The following KCNAB2 variants were observed in gnomAD, a reference collection of about 807,000 sequenced individuals.
The protein encoded by KCNAB2 is voltage-gated potassium channel subunit beta-2.
In KCNAB2, 29 loss-of-function variants were observed where a neutral mutation model predicts 63.6. The ratio of observed to expected loss-of-function variants is 0.46; its 90% CI spans 0.34 to 0.62. The LOEUF (loss-of-function observed/expected upper bound fraction) is 0.62. Ranked by LOEUF, KCNAB2 falls within the 20% of genes least tolerant of loss-of-function variation. KCNAB2 has a pLI of 0.01. For synonymous variants in KCNAB2, 222 were observed against 224.2 expected (o/e 0.99, Z 0.09); for missense variants, 359 against 563.9 (o/e 0.64, Z 3.68).
upstream of KCNAB2, among the ~76,000 whole-genome samples, chr1:6,031,653 G>A (rs1369455319): frequency 4.6e-5 from 7 of 151,980 alleles, no homozygotes; most frequent in African/African-American, 1.7e-4. This position sits in a 1 kb window ranked among gnomAD's most constrained non-coding sequence, Gnocchi z 4.1. Context: ...TTGGGAGACT[G>A]AGGCAGGAGG....
intron 5 of KCNAB2, 144 bp downstream of exon 5, chr1:6,082,418 T>A (rs1664287037): frequency 1.6e-6 from 1 of 640,650 alleles, no homozygotes; most frequent in Non-Finnish European, 2.8e-6. Context: ...TGAATGGCTT[T>A]AGGAGGTGCT....
At chr1:6,031,405 C>T (rs2100393399), upstream of KCNAB2, among the ~76,000 whole-genome samples, 1 of 152,346 alleles carries the variant, frequency 6.6e-6, no homozygotes, top group East Asian at 1.9e-4. This position sits in a 1 kb window ranked among gnomAD's most constrained non-coding sequence, Gnocchi z 4.1. Flanking sequence ...TTACCATTAA[C>T]TCCAACAGAG....
chr1:6,049,176 G>A (rs1322181248), intron 1 of KCNAB2, among the ~76,000 whole-genome samples: 1 of 152,246 alleles, frequency 6.6e-6, no homozygotes, highest in African/African-American at 2.4e-5. Flanking sequence ...ACAGCTGCCT[G>A]GCACTGCCAG....
At chr1:6,093,522 T>TC (rs1383638560) in intron 10 of KCNAB2, among the ~76,000 whole-genome samples, 1 of 152,250 alleles carries the variant, frequency 6.6e-6, no homozygotes, top group African/African-American at 2.4e-5. Context: ...GTCCCTCCTC[T>TC]CTTCTTTAAA....
At chr1:6,046,439 C>T (rs934463406) in intron 1 of KCNAB2, among the ~76,000 whole-genome samples, 6 of 152,256 alleles carry the variant, frequency 3.9e-5, no homozygotes, top group Non-Finnish European at 7.3e-5. Flanking sequence ...AGTCTGCTCA[C>T]AGCCCAGACC....
Position 6,074,368 on chromosome 1 carries a change from G to A in KCNAB2, c.300+598G>A, listed in dbSNP as rs1001862480. ...AAAAGCCAGCTTGTATGCCGCCAGC[G>A]CCTCTGGGTCTCTCGGAAGGACAGG... On this transcript the variant is annotated intron_variant, in intron 4 of 15. Coordinates refer to ENST00000378083, the MANE Select transcript of KCNAB2 (RefSeq NM_001199862.2). The surrounding 1 kb of genome is among the most constrained non-coding windows in gnomAD (Gnocchi z 4.9). 4.6e-5 allele frequency among the ~76,000 whole-genome samples: 7 copies of A among 152,216 alleles called. No homozygotes were observed. Among genetic ancestry groups the A allele is most frequent in the African/African-American group, 7.2e-5 (3 of 41,464 alleles).
chr1:6,005,427 GGTTGTGT>G lies in KCNAB2; in HGVS notation c.-53+12641_-53+12647del, dbSNP rs1365287088. ...GCTGAGGGGTGGGGGTGGAGTTGTG[GGTTGTGT>G]GAGCTGAGCTGAGGGGTGAGGGTGG... is the stretch of plus-strand genomic sequence containing the variant. On this transcript the variant is annotated intron_variant, in intron 1 of 16. Coordinates refer to the KCNAB2 transcript ENST00000341524. Among the ~76,000 whole-genome samples the G allele has an allele frequency of 4.1e-3, 44 of 10,846 alleles. 6 individuals carry two copies. Among genetic ancestry groups the G allele is most frequent in the Non-Finnish European group, 8.1e-3 (19 of 2,342 alleles). 7.1% of individuals were successfully genotyped at this position (10,846 alleles called of 152,430 possible).
chr1:6,027,560 T>C (rs142610249), intron 1 of KCNAB2: 1 of 152,416 alleles, frequency 6.6e-6, no homozygotes, highest in African/African-American at 2.4e-5. Context: ...GGTCTATTTT[T>C]TGTTCATTGC....
intron 11 of KCNAB2, 55 bp downstream of exon 11, chr1:6,094,540 G>A (rs1665459258): frequency 1.4e-6 from 2 of 1,437,478 alleles, no homozygotes; most frequent in Admixed American, 1.9e-5. Context: ...GGCACCGGCT[G>A]CGTATGGAGA....
chr1:6,097,587 G>A (rs1429229186), intron 15 of KCNAB2: 4 of 736,214 alleles, frequency 5.4e-6, no homozygotes, highest in Non-Finnish European at 8.9e-6. Flanking sequence ...GACGAGCGCT[G>A]TAGGAGAGAA....
intron 2 of KCNAB2, among the ~76,000 whole-genome samples, chr1:6,062,890 C>T (rs919230455): frequency 6.6e-6 from 1 of 152,170 alleles, no homozygotes; most frequent in Admixed American, 6.5e-5. Context: ...TTCATGTATT[C>T]AGAGCTGTGC....
chr1:6,075,571 G>A (rs538360358), intron 4 of KCNAB2, among the ~76,000 whole-genome samples: 1 of 152,206 alleles, frequency 6.6e-6, no homozygotes, highest in Non-Finnish European at 1.5e-5. Context: ...CCTATAGTTA[G>A]TGTCAAAAAA....
chr1:6,016,657 A>C lies in KCNAB2; in HGVS notation c.-52-23860A>C, dbSNP rs1201570561. On this transcript the variant is annotated intron_variant, in intron 1 of 16. Transcript: ENST00000341524. ...AGGAAGGCTTTGGGGTGCTGCTCACACGCGGTGTGACTCGGGCGGGGCAGG... is the reference window on the plus strand; with the variant it reads ...AGGAAGGCTTTGGGGTGCTGCTCACCCGCGGTGTGACTCGGGCGGGGCAGG... Among the ~76,000 whole-genome samples the C allele has an allele frequency of 1.3e-5, 2 of 152,216 alleles. 1 individual carries two copies. The highest frequency in any genetic ancestry group is 4.1e-4 in the South Asian group (2 of 4,830).
intron 1 of KCNAB2, among the ~76,000 whole-genome samples, 190 bp from the exon 2 acceptor site, chr1:6,051,321 G>A (rs1309078278): frequency 1.3e-5 from 2 of 152,246 alleles, no homozygotes; most frequent in Non-Finnish European, 2.9e-5. Context: ...GCACTGCTTT[G>A]CGGACTGAGA....
Position 6,073,345 on chromosome 1 carries a change from C to G in KCNAB2, c.263-388C>G, listed in dbSNP as rs1269934229. On this transcript the variant is annotated intron_variant, in intron 3 of 15. Coordinates refer to ENST00000378083, the MANE Select transcript of KCNAB2 (RefSeq NM_001199862.2). This position sits in a 1 kb window ranked among gnomAD's most constrained non-coding sequence, Gnocchi z 5.7. Reference sequence around the variant, plus strand: ...CTGCCCTGACACCGCCCTCCCCGCTCTGTCCCAGCAGGAGCACGCAGACGC... The same window carrying G: ...CTGCCCTGACACCGCCCTCCCCGCTGTGTCCCAGCAGGAGCACGCAGACGC... Among the ~76,000 whole-genome samples the G allele has an allele frequency of 5.9e-5, 9 of 152,148 alleles. No homozygotes were observed. The highest frequency in any genetic ancestry group is 1.0e-4 in the Non-Finnish European group (7 of 68,016).
chr1:6,011,887 C>T (rs1658168510), intron 1 of KCNAB2, among the ~76,000 whole-genome samples: 1 of 152,172 alleles, frequency 6.6e-6, no homozygotes, highest in Admixed American at 6.5e-5. Flanking sequence ...AATTGCCCCC[C>T]GGAAGGTTGC....
intron 1 of KCNAB2, chr1:6,007,454 G>C (rs371252078): frequency 1.1e-4 from 17 of 152,496 alleles, no homozygotes; most frequent in Admixed American, 3.3e-4. Context: ...CGAGGCAGCA[G>C]CTTGGAGCCA....
intron 2 of KCNAB2, among the ~76,000 whole-genome samples, chr1:6,053,150 G>A (rs1327711525): frequency 6.6e-6 from 1 of 152,178 alleles, no homozygotes; most frequent in Admixed American, 6.5e-5. Context: ...CAGCTGTAAA[G>A]GAAGGACAAA....
chr1:6,016,660 C>T (rs1658518893), intron 1 of KCNAB2, among the ~76,000 whole-genome samples: 1 of 152,200 alleles, frequency 6.6e-6, no homozygotes, highest in Non-Finnish European at 1.5e-5. Flanking sequence ...TGCTCACACG[C>T]GGTGTGACTC....
Sources: allele counts gnomAD v4.1 joint callset (sites outside exome capture counted in the v4.1 genomes callset), GRCh38; gene constraint gnomAD v4.1.1; non-coding constraint Gnocchi (gnomAD v3.1); transcripts MANE v1.5; gene names NCBI Gene and HGNC (gene_info 2026-07-23, HGNC 2026-07-21).